NKAIN2: variants seen among roughly 807,000 people sequenced by gnomAD.
NKAIN2 encodes the protein sodium/potassium transporting ATPase interacting 2.
Under a neutral mutation model 32.6 loss-of-function variants are expected in NKAIN2, and 14 were observed. That is an observed-to-expected ratio of 0.43 (90% confidence interval 0.28 to 0.67). The LOEUF (loss-of-function observed/expected upper bound fraction) is 0.67. NKAIN2 is among the 30% of genes least tolerant of loss of function. The probability of loss-of-function intolerance (pLI) is 0.17; values close to 1 mark genes in which losing one functional copy is unlikely to be tolerated. For missense variants in NKAIN2, 198 were observed against 258.3 expected (o/e 0.77, Z 1.60); for synonymous variants, 80 against 87.2 (o/e 0.92, Z 0.46).
At chr6:124,326,599 AT>A (rs1469568594) in intron 2 of NKAIN2, among the ~76,000 whole-genome samples, 1 of 151,950 alleles carries the variant, frequency 6.6e-6, no homozygotes, top group Non-Finnish European at 1.5e-5. Context: ...TTCCTCTACT[AT>A]TTACTCACCC....
chr6:124,577,395 G>A (rs574508761), intron 3 of NKAIN2, among the ~76,000 whole-genome samples: 1 of 152,018 alleles, frequency 6.6e-6, no homozygotes, highest in African/African-American at 2.4e-5. Context: ...CTGTGTGCTT[G>A]GGGGACAGAA....
At chr6:124,251,138 A>G (rs974530848) in intron 1 of NKAIN2, among the ~76,000 whole-genome samples, 1 of 152,052 alleles carries the variant, frequency 6.6e-6, no homozygotes, top group Admixed American at 6.6e-5. Context: ...AGTTTGTGGA[A>G]GTAGTAATAC....
chr6:123,983,983 C>T (rs1007927576), intron 1 of NKAIN2, among the ~76,000 whole-genome samples: 4 of 152,172 alleles, frequency 2.6e-5, no homozygotes, highest in African/African-American at 4.8e-5. Flanking sequence ...TCTCGGCTCA[C>T]TGCAACATCC....
At chr6:124,695,745 G>A (rs907710866) in intron 4 of NKAIN2, among the ~76,000 whole-genome samples, 2 of 152,118 alleles carry the variant, frequency 1.3e-5, no homozygotes, top group Non-Finnish European at 2.9e-5. Context: ...AAAGTAGGAG[G>A]GTTCAAAGAA....
intron 1 of NKAIN2, among the ~76,000 whole-genome samples, chr6:124,052,094 A>G (rs1430694099): frequency 6.6e-6 from 1 of 152,094 alleles, no homozygotes; most frequent in Non-Finnish European, 1.5e-5. Context: ...TTATTTTGGT[A>G]TAACACTTTA....
At chr6:124,659,350 C>A (rs1288605613) in intron 4 of NKAIN2, among the ~76,000 whole-genome samples, 1 of 151,012 alleles carries the variant, frequency 6.6e-6, no homozygotes, top group East Asian at 1.9e-4. Context: ...TCTTGGATAA[C>A]AATAAATAAT....
At chr6:124,140,503 T>A (rs975403500) in intron 1 of NKAIN2, among the ~76,000 whole-genome samples, 4 of 152,104 alleles carry the variant, frequency 2.6e-5, no homozygotes, top group African/African-American at 9.7e-5. Context: ...TAATTGAAAA[T>A]ACGTGCCATT....
chr6:123,882,682 T>C (rs1331836962), intron 1 of NKAIN2, among the ~76,000 whole-genome samples: 1 of 152,236 alleles, frequency 6.6e-6, no homozygotes, highest in Admixed American at 6.5e-5. Context: ...GTGTCACTGC[T>C]GTCATTGTGT....
intron 5 of NKAIN2, among the ~76,000 whole-genome samples, chr6:124,808,895 G>A (rs1344190212): frequency 1.3e-5 from 2 of 152,082 alleles, no homozygotes; most frequent in South Asian, 2.1e-4. Flanking sequence ...GCTTCAAAGA[G>A]AATAAAATAC....
chr6:124,209,553 T>C (rs549076585), intron 1 of NKAIN2, among the ~76,000 whole-genome samples: 1 of 151,782 alleles, frequency 6.6e-6, no homozygotes, highest in African/African-American at 2.4e-5. Flanking sequence ...ACTATACTAA[T>C]AATAGTTTAC....
At chr6:124,346,764 A>C (rs1023739919) in intron 2 of NKAIN2, among the ~76,000 whole-genome samples, 40 of 151,944 alleles carry the variant, frequency 2.6e-4, no homozygotes, top group African/African-American at 7.0e-4. Context: ...ATACAGCACA[A>C]TGATGGGTCT....
chr6:124,021,149 T>C (rs900065128), intron 1 of NKAIN2, among the ~76,000 whole-genome samples: 1 of 152,016 alleles, frequency 6.6e-6, no homozygotes, highest in Non-Finnish European at 1.5e-5. Context: ...TTATAGCCCA[T>C]AGGATTTTTC....
At chr6:124,152,907 G>T (rs1608534) in intron 1 of NKAIN2, among the ~76,000 whole-genome samples, 6,605 of 151,934 alleles carry the variant, frequency 0.043, 277 homozygotes, top group Admixed American at 0.095. Flanking sequence ...AGCAGAGAAA[G>T]ATGAATATTA....
intron 1 of NKAIN2, among the ~76,000 whole-genome samples, chr6:123,975,000 C>A (rs1277664041): frequency 2.0e-5 from 3 of 152,204 alleles, no homozygotes. Flanking sequence ...GGACCTGAAT[C>A]CATTTATTTC....
intron 1 of NKAIN2, among the ~76,000 whole-genome samples, chr6:124,105,636 G>T (rs888629690): frequency 1.3e-5 from 2 of 152,040 alleles, no homozygotes; most frequent in African/African-American, 2.4e-5. Context: ...GGATTTAAGG[G>T]GCTCATAGCC....
At chr6:124,568,038 A>G (rs1780987298) in intron 3 of NKAIN2, among the ~76,000 whole-genome samples, 1 of 152,116 alleles carries the variant, frequency 6.6e-6, no homozygotes, top group African/African-American at 2.4e-5. Context: ...ACAATATAAA[A>G]AGCAGAAGAG....
chr6:124,082,213 T>A (rs183298982), intron 1 of NKAIN2, among the ~76,000 whole-genome samples: 22 of 152,226 alleles, frequency 1.4e-4, no homozygotes, highest in Admixed American at 7.2e-4. Flanking sequence ...CTGCATCTGA[T>A]GTTAGTAGTC....
At chr6:124,585,073 G>C (rs1408895286) in intron 3 of NKAIN2, among the ~76,000 whole-genome samples, 1 of 152,182 alleles carries the variant, frequency 6.6e-6, no homozygotes, top group Non-Finnish European at 1.5e-5. Flanking sequence ...TCCATCAGCA[G>C]ACAAATGGGT....
intron 1 of NKAIN2, among the ~76,000 whole-genome samples, chr6:123,925,503 T>C (rs1212421577): frequency 1.3e-5 from 2 of 152,208 alleles, no homozygotes; most frequent in Non-Finnish European, 2.9e-5. Context: ...TTTTGTTTCA[T>C]AGCTGTGTGA....
Sources: allele counts gnomAD v4.1 joint callset (sites outside exome capture counted in the v4.1 genomes callset), GRCh38; gene constraint gnomAD v4.1.1; transcripts MANE v1.5; gene names NCBI Gene and HGNC (gene_info 2026-07-23, HGNC 2026-07-21).